TAFA2: variants seen among roughly 807,000 people sequenced by gnomAD.
The protein encoded by TAFA2 is chemokine-like protein TAFA-2.
Under a neutral mutation model 18.8 loss-of-function variants are expected in TAFA2, and 7 were observed. The ratio of observed to expected loss-of-function variants is 0.37; its 90% CI spans 0.21 to 0.70. TAFA2 has a LOEUF of 0.70. TAFA2 is among the 30% of genes least tolerant of loss of function. TAFA2 has a pLI of 0.53. For missense variants in TAFA2, 122 were observed against 158.1 expected, an observed-to-expected ratio of 0.77 and a Z score of 1.23; for synonymous variants, 60 against 54.2, an observed-to-expected ratio of 1.11 and a Z score of -0.47.
At chr12:62,240,372 T>C (rs941653163) in intron 1 of TAFA2, among the ~76,000 whole-genome samples, 2 of 151,288 alleles carry the variant, frequency 1.3e-5, no homozygotes, top group Non-Finnish European at 2.9e-5. Flanking sequence ...TGAGCCGAGA[T>C]AGCGCTATGG....
At chr12:62,213,997 A>G (rs1373975280) in intron 1 of TAFA2, among the ~76,000 whole-genome samples, 2 of 152,236 alleles carry the variant, frequency 1.3e-5, no homozygotes, top group Admixed American at 6.5e-5. Context: ...CATTACCAGT[A>G]TGTAAACACT....
At chr12:61,796,918 A>G (rs900053537) in intron 2 of TAFA2, among the ~76,000 whole-genome samples, 3 of 152,198 alleles carry the variant, frequency 2.0e-5, no homozygotes, top group Non-Finnish European at 4.4e-5. Context: ...AGGCAGAAAA[A>G]CATCTAACAA....
At chr12:61,994,648 C>T (rs1880122933) in intron 1 of TAFA2, among the ~76,000 whole-genome samples, 1 of 152,102 alleles carries the variant, frequency 6.6e-6, no homozygotes, top group South Asian at 2.1e-4. Flanking sequence ...GTCAAAGTCA[C>T]CAATGATCTC....
chr12:61,784,636 G>T (rs1870648739), intron 2 of TAFA2, among the ~76,000 whole-genome samples: 1 of 150,778 alleles, frequency 6.6e-6, no homozygotes, highest in South Asian at 2.1e-4. Flanking sequence ...GTAGAAATTT[G>T]TCATTAGTTC....
intron 2 of TAFA2, chr12:61,776,542 A>G (rs1870272308): frequency 6.6e-6 from 1 of 151,928 alleles, no homozygotes; most frequent in Admixed American, 6.6e-5. Context: ...CTCCTCAGTG[A>G]CAGACAGGCA....
chr12:62,223,241 A>G (rs553229251), intron 1 of TAFA2, among the ~76,000 whole-genome samples: 145 of 152,292 alleles, frequency 9.5e-4, no homozygotes, highest in South Asian at 3.5e-3. Context: ...GGGCATGATC[A>G]TGGCTCAGCT....
At position 61,753,649 on chromosome 12, in the gene TAFA2, G is replaced by A. The variant is rs899848659; in HGVS notation, c.357C>T (p.Ser119=). The A allele has an allele frequency of 7.4e-6, 12 of 1,612,144 alleles. No individual in the cohort carries two copies. The highest frequency in any genetic ancestry group is 9.3e-6 in the Non-Finnish European group (11 of 1,178,868). The change falls in exon 4 of 5, where the codon TCC becomes TCT. Residue 119 remains serine (S), a synonymous_variant. Coordinates refer to ENST00000416284, the MANE Select transcript of TAFA2 (RefSeq NM_178539.5). ...TAGTTGTTTTGACTTTATTCCCAGA[G>A]GAACAGCTCCATCCTTTCCGATCCG... ...VLPDRKGWSC[S]SGNKVKTTRV...
At chr12:61,865,539 A>G (rs377079775) in intron 2 of TAFA2, among the ~76,000 whole-genome samples, 16 of 152,300 alleles carry the variant, frequency 1.1e-4, no homozygotes, top group African/African-American at 3.8e-4. Context: ...ATCTTCTGTA[A>G]TGTACCAGCT....
intron 1 of TAFA2, among the ~76,000 whole-genome samples, chr12:62,086,951 G>C (rs1230069812): frequency 6.6e-6 from 1 of 152,072 alleles, no homozygotes; most frequent in East Asian, 1.9e-4. Context: ...ATAATATTCA[G>C]ACATAAAAAA....
At chr12:62,153,108 A>C (rs2062340762) in intron 1 of TAFA2, among the ~76,000 whole-genome samples, 2 of 152,180 alleles carry the variant, frequency 1.3e-5, no homozygotes, top group African/African-American at 4.8e-5. Flanking sequence ...GAAATTTGCA[A>C]GTTGAAAGCA....
Position 61,753,671 on chromosome 12 carries a change from T to C in TAFA2, c.335A>G (p.Asp112Gly), listed in dbSNP as rs139053149. ...AGAGGAACAGCTCCATCCTTTCCGA[T>C]CCGGAAGAACTTTACATTCTTCTCC... ...LEGEECKVLP[D>G]RKGWSCSSGN... is the part of the protein sequence containing the mutation. The change falls in exon 4 of 5, where the codon GAT becomes GGT. Residue 112 changes from aspartate to glycine, a missense_variant. By Grantham distance (94) the Asp-to-Gly change is moderately conservative (BLOSUM62 -1). This residue lies in a region of TAFA2 where 60 missense variants were observed against 102.7 expected (regional missense o/e 0.58). Transcript: ENST00000416284. 271 of 1,612,542 alleles carry C rather than the reference T, an allele frequency of 1.7e-4. No homozygotes were observed. The highest frequency in any genetic ancestry group is 2.0e-4 in the Non-Finnish European group (236 of 1,179,128).
chr12:62,188,768 C>A (rs1028248279), intron 1 of TAFA2, among the ~76,000 whole-genome samples: 5 of 151,948 alleles, frequency 3.3e-5, no homozygotes, highest in Non-Finnish European at 7.4e-5. Flanking sequence ...ATTTTTCTAC[C>A]ACCCTCTAAA....
At chr12:61,903,816 C>A (rs1876220829) in intron 1 of TAFA2, among the ~76,000 whole-genome samples, 1 of 152,108 alleles carries the variant, frequency 6.6e-6, no homozygotes. Context: ...TCAAAAAGTT[C>A]ACTTCTATTT....
chr12:61,784,427 C>T lies in TAFA2; in HGVS notation c.107-29403G>A, dbSNP rs558580570. Among the ~76,000 whole-genome samples the T allele has an allele frequency of 4.6e-5, 7 of 151,654 alleles. No individual in the cohort carries two copies. In the South Asian group the frequency reaches 1.0e-3, roughly 22 times the overall value. The stretch of plus-strand genomic sequence containing the variant: ...AATCCATCTCTCGTCCTCAGAGTGG[C>T]TCAGATCAGAAGTGAGCACAGCCCT... On this transcript the variant is annotated intron_variant, in intron 2 of 4. Transcript: ENST00000416284.
chr12:62,188,969 G>A (rs1182991147), intron 1 of TAFA2, among the ~76,000 whole-genome samples: 1 of 151,996 alleles, frequency 6.6e-6, no homozygotes, highest in Non-Finnish European at 1.5e-5. Flanking sequence ...ATTTGTCATT[G>A]TTAAAATAGC....
In TAFA2 at chr12:61,973,755, A is replaced by T. The variant is rs561579023; in HGVS notation, c.-1-106329T>A. The stretch of plus-strand genomic sequence containing the variant: ...TTCTCAGACTTAGCTATATATCAGA[A>T]CCACCTGGGAAATTCTGAAAATCCC... On this transcript the variant is annotated intron_variant, in intron 1 of 4. Transcript: ENST00000416284. Among the ~76,000 whole-genome samples, 4 of 151,810 alleles carry T rather than the reference A, an allele frequency of 2.6e-5. No homozygotes were observed. In the South Asian group the frequency reaches 8.3e-4, roughly 31 times the overall value.
intron 1 of TAFA2, among the ~76,000 whole-genome samples, chr12:61,901,222 CTT>C (rs2121317599): frequency 6.7e-6 from 1 of 150,226 alleles, no homozygotes. Context: ...TAATGTCAAA[CTT>C]AATTTGCTTT....
intron 1 of TAFA2, chr12:62,234,743 A>T (rs2062828048): frequency 9.0e-7 from 1 of 1,108,328 alleles, no homozygotes; most frequent in African/African-American, 1.5e-5. Context: ...TCCTTTCCTG[A>T]GGCCTGGAGT....
chr12:61,911,456 A>G (rs543635993), intron 1 of TAFA2, among the ~76,000 whole-genome samples: 3 of 152,320 alleles, frequency 2.0e-5, no homozygotes, highest in Admixed American at 2.0e-4. Context: ...TCCATGTATA[A>G]GTTAAACTAT....
Sources: gnomAD v4.1 joint callset for allele counts (sites outside exome capture counted in the v4.1 genomes callset) on GRCh38, gnomAD v4.1.1 for gene constraint, gnomAD v4.1.1 regional missense constraint, MANE v1.5 for transcripts, NCBI Gene and HGNC (gene_info 2026-07-23, HGNC 2026-07-21) for gene names.